Variants in COBL observed in about 807,000 individuals in gnomAD.
The protein encoded by COBL is cordon-bleu WH2 repeat protein.
In COBL, 51 loss-of-function variants were observed where a neutral mutation model predicts 98.8. The ratio of observed to expected loss-of-function variants is 0.52; its 90% CI spans 0.41 to 0.65. COBL has a LOEUF of 0.65. COBL is among the 30% of genes least tolerant of loss of function. The pLI is 0.00. For synonymous variants in COBL, 634 were observed against 651.7 expected (o/e 0.97, Z 0.41); for missense variants, 1,617 against 1,617.5 (o/e 1.00, Z 0.01).
At chr7:51,156,051 T>C (rs1326184097) in intron 5 of COBL, among the ~76,000 whole-genome samples, 2 of 152,318 alleles carry the variant, frequency 1.3e-5, no homozygotes, top group East Asian at 1.9e-4. Flanking sequence ...AATTTGCTTA[T>C]AGTTTTTGCT....
intron 1 of COBL, among the ~76,000 whole-genome samples, chr7:51,251,816 T>A (rs1389796774): frequency 6.6e-6 from 1 of 152,314 alleles, no homozygotes; most frequent in South Asian, 2.1e-4. Context: ...ACCCTCAAAC[T>A]ACTCCATGAT....
chr7:51,151,230 T>C (rs561396354), intron 5 of COBL, among the ~76,000 whole-genome samples: 1 of 152,316 alleles, frequency 6.6e-6, no homozygotes, highest in East Asian at 1.9e-4. Flanking sequence ...TATGTTCAAG[T>C]CCTCTGGCCT....
rs71018490 is a variant in COBL, at chr7:51,018,905, AATATATATATATATATATAT to A, written c.3769-1357_3769-1338del. Among the ~76,000 whole-genome samples the A allele has an allele frequency of 3.5e-4, 12 of 34,438 alleles. 2 individuals carry two copies. The highest frequency in any genetic ancestry group is 2.6e-3 in the East Asian group (2 of 784). The allele number at this position is 34,438 out of a possible 152,430, so 22.6% of individuals were successfully genotyped here. On this transcript the variant is annotated intron_variant, in intron 12 of 12. Coordinates refer to ENST00000265136, the MANE Select transcript of COBL (RefSeq NM_015198.5). Reference sequence around the variant, plus strand: ...AAACTCCATCTCAAAAAAAAAAAAAAATATATATATATATATATATATATATATATATATATATATATATA... The same window carrying A: ...AAACTCCATCTCAAAAAAAAAAAAAAATATATATATATATATATATATATA...
intron 6 of COBL, among the ~76,000 whole-genome samples, chr7:51,106,576 T>C (rs1482165864): frequency 6.6e-6 from 1 of 152,224 alleles, no homozygotes; most frequent in Non-Finnish European, 1.5e-5. Flanking sequence ...CATTTGCTGT[T>C]AGATAAATAT....
chr7:51,020,416 G>A (rs2128859292), intron 12 of COBL, among the ~76,000 whole-genome samples: 1 of 152,308 alleles, frequency 6.6e-6, no homozygotes. Context: ...CACAGATGAA[G>A]CTTCTTTCGT....
chr7:51,181,680 T>A (rs1788968675), intron 5 of COBL, among the ~76,000 whole-genome samples: 2 of 152,234 alleles, frequency 1.3e-5, no homozygotes, highest in Admixed American at 6.5e-5. Context: ...AGTCAGTTTC[T>A]TTCTTTAGGT....
intron 2 of COBL, among the ~76,000 whole-genome samples, chr7:51,198,033 T>C (rs1790754886): frequency 6.6e-6 from 1 of 152,190 alleles, no homozygotes; most frequent in African/African-American, 2.4e-5. Flanking sequence ...AGTATTGATA[T>C]ATGTGGATTT....
chr7:51,283,055 A>G (rs1799946203), intron 1 of COBL, among the ~76,000 whole-genome samples: 1 of 152,222 alleles, frequency 6.6e-6, no homozygotes, highest in Admixed American at 6.5e-5. Flanking sequence ...TAGAGCATTA[A>G]CTGCGTATAT....
chr7:51,126,713 C>T (rs751036420), intron 6 of COBL, among the ~76,000 whole-genome samples: 36 of 152,108 alleles, frequency 2.4e-4, no homozygotes, highest in East Asian at 1.9e-4. Flanking sequence ...GTCACTCACC[C>T]CTCCCAAATG....
intron 2 of COBL, among the ~76,000 whole-genome samples, chr7:51,213,774 CAG>C (rs142864683): frequency 0.014 from 2,101 of 152,192 alleles, 31 homozygotes; most frequent in African/African-American, 0.047. Flanking sequence ...TGACTAACAA[CAG>C]AGCCACAGTG....
chr7:51,074,126 T>C (rs1433503479), intron 7 of COBL, among the ~76,000 whole-genome samples: 1 of 152,066 alleles, frequency 6.6e-6, no homozygotes, highest in Non-Finnish European at 1.5e-5. Flanking sequence ...TAGAAGACTA[T>C]TGTCATAAGA....
chr7:51,142,656 T>C (rs2129013266), intron 5 of COBL, among the ~76,000 whole-genome samples: 1 of 152,302 alleles, frequency 6.6e-6, no homozygotes. Context: ...AGTGCTGGGA[T>C]TGCAGGCATG....
At chr7:51,128,066 C>G (rs1379666586) in intron 6 of COBL, among the ~76,000 whole-genome samples, 3 of 152,124 alleles carry the variant, frequency 2.0e-5, no homozygotes, top group African/African-American at 7.2e-5. Flanking sequence ...TAAGATGGGT[C>G]CCTGGATACA....
intron 7 of COBL, among the ~76,000 whole-genome samples, chr7:51,059,393 C>A (rs1213631263): frequency 6.6e-6 from 1 of 152,048 alleles, no homozygotes; most frequent in Non-Finnish European, 1.5e-5. Context: ...AAAACCTAAC[C>A]TATTGATGAT....
At chr7:51,264,445 T>C (rs116879712) in intron 1 of COBL, among the ~76,000 whole-genome samples, 1 of 151,398 alleles carries the variant, frequency 6.6e-6, no homozygotes, top group African/African-American at 2.4e-5. Flanking sequence ...TCAACACGGG[T>C]GGATCACCTG....
At chr7:51,137,588 A>T (rs1231982314) in intron 5 of COBL, among the ~76,000 whole-genome samples, 2 of 63,090 alleles carry the variant, frequency 3.2e-5, no homozygotes, top group Non-Finnish European at 1.2e-4. Context: ...CCACTTCTTT[A>T]AAAAAAAAAA....
At chr7:51,302,059 G>A (rs1427332188) in intron 1 of COBL, among the ~76,000 whole-genome samples, 6 of 152,110 alleles carry the variant, frequency 3.9e-5, no homozygotes, top group Admixed American at 2.0e-4. Context: ...GAGGGCAGCC[G>A]CCGAGCTGCA....
At chr7:51,091,572 A>G (rs1255522374) in intron 6 of COBL, among the ~76,000 whole-genome samples, 1 of 152,172 alleles carries the variant, frequency 6.6e-6, no homozygotes, top group African/African-American at 2.4e-5. Context: ...TGGGGATCAG[A>G]GAAGGAGAAG....
intron 12 of COBL, among the ~76,000 whole-genome samples, chr7:51,019,750 C>T (rs888464252): frequency 1.2e-4 from 18 of 152,342 alleles, no homozygotes; most frequent in Admixed American, 3.3e-4. Context: ...AACAATTTCA[C>T]ATTAACCAAA....
Sources: allele counts gnomAD v4.1 joint callset (sites outside exome capture counted in the v4.1 genomes callset), GRCh38; gene constraint gnomAD v4.1.1; transcripts MANE v1.5; gene names NCBI Gene and HGNC (gene_info 2026-07-23, HGNC 2026-07-21).